SMYD5: variants seen among roughly 807,000 people sequenced by gnomAD.
SMYD5 encodes the protein protein-lysine N-trimethyltransferase SMYD5.
A neutral mutation model predicts 57.4 loss-of-function variants in SMYD5; 35 were observed. That is an observed-to-expected ratio of 0.61 (90% confidence interval 0.47 to 0.81). The LOEUF is 0.81. SMYD5 is among the 30% of genes least tolerant of loss of function. The pLI is 0.00. For missense variants in SMYD5, 471 were observed against 527.9 expected, an observed-to-expected ratio of 0.89 and a Z score of 1.06; for synonymous variants, 198 against 189.7, an observed-to-expected ratio of 1.04 and a Z score of -0.36.
chr2:73,221,349 C>T (rs1356635798), intron 5 of SMYD5, 115 bp downstream of exon 5: 3 of 823,126 alleles, frequency 3.6e-6, no homozygotes, highest in Admixed American at 2.1e-5. Context: ...CCTGGCCTTC[C>T]CAAAGGAGAG....
At chr2:73,217,678 T>C (rs1057275387) in intron 1 of SMYD5, among the ~76,000 whole-genome samples, 2 of 152,200 alleles carry the variant, frequency 1.3e-5, no homozygotes, top group Non-Finnish European at 2.9e-5. Flanking sequence ...GAGGCAACCG[T>C]ATCTGGCCTT....
chr2:73,222,815 C>T lies in SMYD5; in HGVS notation c.703C>T (p.Gln235Ter). 6.2e-7 allele frequency: 1 copy of T among 1,613,884 alleles called. No homozygotes were observed. The highest frequency in any genetic ancestry group is 8.5e-7 in the Non-Finnish European group (1 of 1,179,848). ...TEALYEEAVS[Q>*]WFTPDGFRSL... ...GGCCCTCTATGAGGAAGCAGTCAGC[C>T]AGGTGAGTGAGGAGAGGGTGGGACC... The change falls in exon 7 of 13, where the codon CAG (glutamine) becomes TAG (stop). Residue 235 changes from glutamine (Q) to a stop codon, truncating the protein, a stop_gained and splice_region_variant. Transcript: ENST00000389501. LOFTEE classifies it high-confidence loss of function.
chr2:73,219,935 C>A, intron 2 of SMYD5, 116 bp from the exon 3 acceptor site: 4 of 1,284,980 alleles, frequency 3.1e-6, no homozygotes, highest in Non-Finnish European at 4.5e-6. Flanking sequence ...ACTTTCCAAA[C>A]CTTTATGAAA....
chr2:73,218,678 C>G (rs916952664), intron 1 of SMYD5, among the ~76,000 whole-genome samples, 183 bp from the exon 2 acceptor site: 1 of 152,204 alleles, frequency 6.6e-6, no homozygotes, highest in African/African-American at 2.4e-5. Flanking sequence ...GAAAATAGGT[C>G]AGAGCTGTAT....
rs1042675219 is a variant in SMYD5 at position 73,225,395 on chromosome 2, C to T, written c.1036-236C>T. 10 of 593,470 alleles carry T rather than the reference C, an allele frequency of 1.7e-5. 1 individual carries two copies. Among genetic ancestry groups the T allele is most frequent in the South Asian group, 8.3e-5 (4 of 47,954 alleles). 36.8% of individuals were successfully genotyped at this position (593,470 alleles called of 1,614,324 possible). A position where few individuals can be genotyped will look rare whatever the true frequency, so the allele number is the denominator to read the frequency against. ...CTTGGCCATTGACTGGCTTTCACCA[C>T]GGCCTGAGGCCAACCAGTCTCCTCT... On this transcript the variant is annotated intron_variant, in intron 11 of 12. Coordinates refer to ENST00000389501, the MANE Select transcript of SMYD5 (RefSeq NM_006062.3).
chr2:73,222,704 T>TAA, intron 6 of SMYD5, 51 bp from the exon 7 acceptor site: 1 of 1,533,870 alleles, frequency 6.5e-7, no homozygotes, highest in Non-Finnish European at 8.9e-7. Context: ...GCCTGGGTGC[T>TAA]AATGGGAAAT....
chr2:73,224,073 GT>G (rs1337329208), intron 10 of SMYD5, 70 bp downstream of exon 10: 1 of 1,443,992 alleles, frequency 6.9e-7, no homozygotes, highest in Non-Finnish European at 9.8e-7. Flanking sequence ...TGCAGCCACA[GT>G]TTATCTTTCT....
intron 1 of SMYD5, among the ~76,000 whole-genome samples, chr2:73,217,468 G>A (rs1385202817): frequency 1.3e-5 from 2 of 152,052 alleles, no homozygotes; most frequent in African/African-American, 2.4e-5. Context: ...TCATATTGTC[G>A]TGTCCCATAG....
rs1401216986 is a variant in SMYD5, at chr2:73,222,755, G to T, written c.643G>T (p.Gly215Cys). ...TCTCTCCCTGCTTCCTCTAATCCAG[G>T]GCCAACTGGAACTTCTGCGGAGACT... ...VHKLLGDKFK[G>C]QLELLRRLFT... The change falls in exon 7 of 13, where the codon GGC (glycine) becomes TGC (cysteine). Residue 215 changes from glycine (G) to cysteine (C), a missense_variant and splice_region_variant. Transcript: ENST00000389501. The T allele has an allele frequency of 6.2e-7, 1 of 1,611,140 alleles. No homozygotes were observed. Among genetic ancestry groups the T allele is most frequent in the Non-Finnish European group, 8.5e-7 (1 of 1,178,780 alleles).
At position 73,219,959 on chromosome 2, in the gene SMYD5, C is replaced by G. The variant is rs758890098; in HGVS notation, c.206-92C>G. The G allele has an allele frequency of 3.4e-5, 50 of 1,484,702 alleles. No homozygotes were observed. The East Asian group carries it at 8.8e-4, about 26-fold the overall frequency. The allele number at this position is 1,484,702 out of a possible 1,614,324, so 92.0% of individuals were successfully genotyped here. On this transcript the variant is annotated intron_variant, in intron 2 of 12. Coordinates refer to ENST00000389501, the MANE Select transcript of SMYD5 (RefSeq NM_006062.3). Reference sequence around the variant, plus strand: ...ACCTTTATGAAACACTAGAATGGTGCCTGGCACATAGCAGCTGCTCTGTAG... The same window carrying G: ...ACCTTTATGAAACACTAGAATGGTGGCTGGCACATAGCAGCTGCTCTGTAG...
At chr2:73,221,365 T>A (rs1686393400) in intron 5 of SMYD5, 131 bp downstream of exon 5, 1 of 727,080 alleles carries the variant, frequency 1.4e-6, no homozygotes, top group African/African-American at 1.8e-5. Context: ...GAGAGCTCCT[T>A]GCTATGTAAA....
At position 73,224,936 on chromosome 2, in the gene SMYD5, T is replaced by C. The variant is rs766218335; in HGVS notation, c.1011T>C (p.Ala337=). 1.9e-6 allele frequency: 3 copies of C among 1,614,044 alleles called. No individual in the cohort carries two copies. The highest frequency in any genetic ancestry group is 2.5e-6 in the Non-Finnish European group (3 of 1,179,952). Residue 337 remains alanine, a synonymous_variant, in exon 11 of 13, where the codon GCT becomes GCC. Transcript: ENST00000389501. ...ACAACTTCCTTTTGCATGTCACTGC[T>C]CTGGAGGATATTAAGCCAGGAGAGG... ...PENNFLLHVT[A]LEDIKPGEEI... is the part of the protein sequence containing the mutation.
In SMYD5 at chr2:73,220,059, C is replaced by T. The variant is rs774932638; in HGVS notation, c.214C>T (p.His72Tyr). 3.7e-5 allele frequency: 59 copies of T among 1,614,094 alleles called. No homozygotes were observed. Among genetic ancestry groups the T allele is most frequent in the South Asian group, 2.1e-4 (19 of 91,090 alleles). Reference sequence around the variant, plus strand: ...CTGGCTCTCACCGTCAGCCTGTGACCACTGCCTTAGGGCACTAGAGAAGGC... The same window carrying T: ...CTGGCTCTCACCGTCAGCCTGTGACTACTGCCTTAGGGCACTAGAGAAGGC... ...NALYRYRACD[H>Y]CLRALEKAEE... The change falls in exon 3 of 13, where the codon CAC (histidine) becomes TAC (tyrosine). Residue 72 changes from histidine to tyrosine, a missense_variant. By Grantham distance (83) the His-to-Tyr change is moderately conservative. Transcript: ENST00000389501.
chr2:73,218,889 T>G lies in SMYD5; in HGVS notation c.125T>G (p.Ile42Ser). 1 of 1,614,162 alleles carries G rather than the reference T, an allele frequency of 6.2e-7. No individual in the cohort carries two copies. The highest frequency in any genetic ancestry group is 8.5e-7 in the Non-Finnish European group (1 of 1,179,998). Residue 42 changes from isoleucine to serine, a missense_variant, in exon 2 of 13, where the codon ATC becomes AGC. Transcript: ENST00000389501. ...AAGGGGCTGTTTGCCACACAGCTCATCCGGAAGGGGGAGACCATCTTCGTA... is the reference window on the plus strand; with the variant it reads ...AAGGGGCTGTTTGCCACACAGCTCAGCCGGAAGGGGGAGACCATCTTCGTA... ...KGKGLFATQLIRKGETIFVER... is the reference protein window; with the variant it reads ...KGKGLFATQLSRKGETIFVER...
At chr2:73,220,827 G>C in intron 4 of SMYD5, 45 bp downstream of exon 4, 1 of 1,606,590 alleles carries the variant, frequency 6.2e-7, no homozygotes, top group Non-Finnish European at 8.5e-7. Flanking sequence ...TTTCCTCCCT[G>C]GTTGCCTGCC....
intron 1 of SMYD5, chr2:73,214,989 T>A: frequency 4.1e-6 from 1 of 245,144 alleles, no homozygotes; most frequent in Non-Finnish European, 6.5e-6. Flanking sequence ...ATGAGTACGT[T>A]AAAATTACAT....
intron 8 of SMYD5, 47 bp from the exon 9 acceptor site, chr2:73,223,379 A>T (rs750418913): frequency 1.5e-6 from 2 of 1,301,664 alleles, no homozygotes; most frequent in Admixed American, 3.4e-5. Context: ...GAGCCCTGTG[A>T]CCTGGGCTTC....
intron 10 of SMYD5, among the ~76,000 whole-genome samples, chr2:73,224,483 A>G (rs568519541): frequency 5.9e-5 from 9 of 151,962 alleles, no homozygotes; most frequent in African/African-American, 2.2e-4. Flanking sequence ...CTCCAGGGCC[A>G]CTCTACCCTC....
In SMYD5 at chr2:73,224,915, C is replaced by T. The variant is rs563712424; in HGVS notation, c.990C>T (p.Asn330=). 3 of 1,614,114 alleles carry T rather than the reference C, an allele frequency of 1.9e-6. No individual in the cohort carries two copies. The highest frequency in any genetic ancestry group is 2.2e-5 in the East Asian group (1 of 44,870). ...PNAETSFPEN[N]FLLHVTALED... is the part of the protein sequence containing the mutation. ...CAGAGACCTCCTTTCCAGAAAACAA[C>T]TTCCTTTTGCATGTCACTGCTCTGG... Residue 330 remains asparagine (N), a synonymous_variant, in exon 11 of 13, where the codon AAC becomes AAT. Transcript: ENST00000389501.
Sources: gnomAD v4.1 joint callset for allele counts (sites outside exome capture counted in the v4.1 genomes callset) on GRCh38, gnomAD v4.1.1 for gene constraint, MANE v1.5 for transcripts, NCBI Gene and HGNC (gene_info 2026-07-23, HGNC 2026-07-21) for gene names.